ATP6V0A4: variants seen among roughly 807,000 people sequenced by gnomAD.
ATP6V0A4 encodes the protein V-type proton ATPase 116 kDa subunit a 4.
A neutral mutation model predicts 107.3 loss-of-function variants in ATP6V0A4; 86 were observed. The ratio of observed to expected loss-of-function variants is 0.80; its 90% CI spans 0.67 to 0.96. ATP6V0A4 has a LOEUF of 0.96. ATP6V0A4 is among the 40% of genes least tolerant of loss of function. ATP6V0A4 has a pLI of 0.00. For synonymous variants in ATP6V0A4, 353 were observed against 381.4 expected, an observed-to-expected ratio of 0.93 and a Z score of 0.87; for missense variants, 908 against 1,045.6, an observed-to-expected ratio of 0.87 and a Z score of 1.81.
intron 2 of ATP6V0A4, among the ~76,000 whole-genome samples, chr7:138,776,874 C>A (rs928825689): frequency 3.9e-5 from 6 of 152,138 alleles, no homozygotes; most frequent in East Asian, 1.9e-4. Context: ...AGGCTGGACG[C>A]GGTGGCTCAC....
Position 138,721,781 on chromosome 7 carries a change from G to A in ATP6V0A4, c.2139+116C>T, listed in dbSNP as rs1804433929. ...CTTCACAGCTTCCCAGGACTCAGCA[G>A]TGACAGGGCTACTGCCCCGTGGGGC... is the stretch of plus-strand genomic sequence containing the variant. On this transcript the variant is annotated intron_variant, in intron 19 of 21. Transcript: ENST00000310018. The A allele has an allele frequency of 3.4e-6, 4 of 1,178,668 alleles. No homozygotes were observed. In the South Asian group the frequency reaches 5.3e-5, roughly 16 times the overall value. 73.0% of individuals were successfully genotyped at this position (1,178,668 alleles called of 1,614,324 possible).
intron 15 of ATP6V0A4, among the ~76,000 whole-genome samples, chr7:138,736,151 C>T (rs1003010434): frequency 6.6e-6 from 1 of 152,010 alleles, no homozygotes; most frequent in Non-Finnish European, 1.5e-5. Flanking sequence ...AAGGCTGAAG[C>T]AGGGAGATTG....
intron 20 of ATP6V0A4, among the ~76,000 whole-genome samples, chr7:138,713,171 G>A (rs1032710025): frequency 4.2e-4 from 63 of 151,426 alleles, no homozygotes; most frequent in Non-Finnish European, 7.1e-4. Context: ...TGGGCATGGT[G>A]GTGTGCACCT....
At chr7:138,766,203 AT>A (rs66782802) in intron 5 of ATP6V0A4, among the ~76,000 whole-genome samples, 2 of 88,400 alleles carry the variant, frequency 2.3e-5, no homozygotes, top group African/African-American at 1.4e-4. Flanking sequence ...TGTTATTATT[AT>A]TTTTTTTTTT....
In ATP6V0A4 at chr7:138,769,376, G is replaced by A. The variant is rs112432923; in HGVS notation, c.118-125C>T. The stretch of plus-strand genomic sequence containing the variant: ...GTCACCCAGACTGGAGGGCAATGGC[G>A]CGATCTCAGCTCACTGTAACCTCCA... On this transcript the variant is annotated intron_variant, in intron 3 of 21. Transcript: ENST00000310018. 1,225 of 1,411,344 alleles carry A rather than the reference G, an allele frequency of 8.7e-4. 12 individuals carry two copies. In the African/African-American group the frequency reaches 0.014, roughly 17 times the overall value. The allele number at this position is 1,411,344 out of a possible 1,614,324, so 87.4% of individuals were successfully genotyped here.
chr7:138,718,674 G>GAGGGGGTGCAGTCACGGATGTCT (rs1347141782), intron 19 of ATP6V0A4, among the ~76,000 whole-genome samples: 1 of 7,722 alleles, frequency 1.3e-4, no homozygotes, highest in Non-Finnish European at 2.5e-4. Context: ...AGGAATTCGG[G>GAGGGGGTGCAGTCACGGATGTCT]GCGGGGGGGG....
intron 19 of ATP6V0A4, among the ~76,000 whole-genome samples, chr7:138,718,201 G>GCGGTGTGTGTGT (rs1804184695): frequency 2.2e-5 from 1 of 45,540 alleles, no homozygotes; most frequent in Non-Finnish European, 3.7e-5. Flanking sequence ...GGAAGGAATG[G>GCGGTGTGTGTGT]GTGTGTGTGT....
intron 8 of ATP6V0A4, among the ~76,000 whole-genome samples, chr7:138,757,527 C>T (rs1399798833): frequency 6.6e-6 from 1 of 151,856 alleles, no homozygotes; most frequent in Non-Finnish European, 1.5e-5. Context: ...AAAAAAAACC[C>T]CAAAAAACAA....
intron 2 of ATP6V0A4, 55 bp from the exon 3 acceptor site, chr7:138,771,319 C>A: frequency 6.3e-7 from 1 of 1,576,226 alleles, no homozygotes; most frequent in Admixed American, 1.8e-5. Context: ...TGTGTGAAAA[C>A]CTTAGGGTGA....
intron 14 of ATP6V0A4, among the ~76,000 whole-genome samples, chr7:138,739,900 T>C (rs1426066019): frequency 1.3e-5 from 2 of 152,094 alleles, no homozygotes; most frequent in East Asian, 3.9e-4. Context: ...CCCAGCACTT[T>C]GGGAGCCTGA....
intron 18 of ATP6V0A4, among the ~76,000 whole-genome samples, chr7:138,728,237 AT>A (rs11286239): frequency 0.41 from 62,286 of 151,482 alleles, 13,152 homozygotes; most frequent in South Asian, 0.58. Context: ...ATTTTATTTT[AT>A]TTTTTGAGAC....
chr7:138,786,915 G>GA (rs568867439), intron 1 of ATP6V0A4, among the ~76,000 whole-genome samples: 24 of 150,638 alleles, frequency 1.6e-4, no homozygotes, highest in African/African-American at 4.1e-4. Context: ...TTCTAAAAAA[G>GA]AAAAAAAAAG....
In ATP6V0A4 at chr7:138,715,829, C is replaced by T. The variant is rs142860146; in HGVS notation, c.2192G>A (p.Cys731Tyr). Residue 731 changes from cysteine to tyrosine, a missense_variant, in exon 20 of 22, where the codon TGC becomes TAC. By Grantham distance (194) the Cys-to-Tyr change is radical (BLOSUM62 -2). Transcript: ENST00000310018. ...VHQAIHTIEY[C>Y]LGCISNTASY... is the part of the protein sequence containing the mutation. ...GGCTGTGTTTGAAATGCAGCCCAGG[C>T]AGTACTCGATGGTGTGGATGGCTTG... 63 of 1,613,712 alleles carry T rather than the reference C, an allele frequency of 3.9e-5. No individual in the cohort carries two copies. Among genetic ancestry groups the T allele is most frequent in the Non-Finnish European group, 2.7e-5 (32 of 1,179,830 alleles).
rs1562989319 is a variant in ATP6V0A4, at chr7:138,732,663, GTGCA to G, written c.1908+210_1908+213del. The stretch of plus-strand genomic sequence containing the variant: ...ACAAAAATTAGCCAGGCGTGGTGGC[GTGCA>G]CCTGTAGTCCCAGCCACTCAGGAGG... On this transcript the variant is annotated intron_variant, in intron 17 of 21. Coordinates refer to ENST00000310018, the MANE Select transcript of ATP6V0A4 (RefSeq NM_020632.3). Among the ~76,000 whole-genome samples the G allele has an allele frequency of 9.0e-4, 137 of 152,050 alleles. 1 individual carries two copies. Among genetic ancestry groups the G allele is most frequent in the African/African-American group, 3.3e-3 (136 of 41,510 alleles).
chr7:138,734,401 G>C, intron 15 of ATP6V0A4, 147 bp from the exon 16 acceptor site: 14 of 1,350,092 alleles, frequency 1.0e-5, no homozygotes, highest in Non-Finnish European at 1.4e-5. Context: ...ATACATTTTA[G>C]AGTCCAAAAA....
chr7:138,735,769 G>A (rs12111887), intron 15 of ATP6V0A4, among the ~76,000 whole-genome samples: 90,140 of 151,386 alleles, frequency 0.6, 27,439 homozygotes, highest in East Asian at 0.92. Flanking sequence ...CAGTGAGGGC[G>A]GGTCTGCTAG....
At chr7:138,753,140 G>GA (rs1369466055) in intron 10 of ATP6V0A4, among the ~76,000 whole-genome samples, 1 of 152,168 alleles carries the variant, frequency 6.6e-6, no homozygotes, top group Non-Finnish European at 1.5e-5. Flanking sequence ...GGCCTTTTTG[G>GA]AAAGAGGGTC....
intron 1 of ATP6V0A4, among the ~76,000 whole-genome samples, chr7:138,796,875 G>A (rs1461699999): frequency 6.6e-6 from 1 of 152,046 alleles, no homozygotes; most frequent in East Asian, 1.9e-4. Flanking sequence ...TATACATGTG[G>A]GTCTTCAATA....
rs1005565506 is a variant in ATP6V0A4 at position 138,715,845 on chromosome 7, G to A, written c.2176C>T (p.His726Tyr). Reference protein sequence around the residue: ...FGDVFVHQAIHTIEYCLGCIS... With the variant: ...FGDVFVHQAIYTIEYCLGCIS... The stretch of plus-strand genomic sequence containing the variant: ...CAGCCCAGGCAGTACTCGATGGTGT[G>A]GATGGCTTGGTGGACAAAGACGTCT... The change falls in exon 20 of 22, where the codon CAC becomes TAC. Residue 726 changes from histidine to tyrosine, a missense_variant. Coordinates refer to ENST00000310018, the MANE Select transcript of ATP6V0A4 (RefSeq NM_020632.3). 6 of 1,613,560 alleles carry A rather than the reference G, an allele frequency of 3.7e-6. No homozygotes were observed. The highest frequency in any genetic ancestry group is 5.1e-6 in the Non-Finnish European group (6 of 1,179,706).
Sources: gnomAD v4.1 joint callset for allele counts (sites outside exome capture counted in the v4.1 genomes callset) on GRCh38, gnomAD v4.1.1 for gene constraint, MANE v1.5 for transcripts, NCBI Gene and HGNC (gene_info 2026-07-23, HGNC 2026-07-21) for gene names.